Variants in SPATA6 observed in about 807,000 individuals in gnomAD.
SPATA6 encodes the protein spermatogenesis-associated protein 6.
A neutral mutation model predicts 65.3 loss-of-function variants in SPATA6; 56 were observed. The observed-to-expected ratio is 0.86, with a 90% CI of 0.69 to 1.07. The LOEUF is 1.07. Ranked by LOEUF, SPATA6 falls within the 50% of genes least tolerant of loss-of-function variation. SPATA6 has a pLI of 0.00. For synonymous variants in SPATA6, 199 were observed against 213.2 expected, an observed-to-expected ratio of 0.93 and a Z score of 0.58; for missense variants, 590 against 594.8, an observed-to-expected ratio of 0.99 and a Z score of 0.08.
chr1:48,262,687 C>A, the SPATA6 span: 2 of 151,980 alleles, frequency 1.3e-5, no homozygotes, highest in African/African-American at 2.4e-5. Flanking sequence ...TGTAAAAGAA[C>A]CCCAACTTTA....
chr1:48,355,644 T>C lies in SPATA6; in HGVS notation c.1194+26A>G, dbSNP rs1646637168. 9.6e-6 allele frequency: 15 copies of C among 1,567,642 alleles called. No individual in the cohort carries two copies. In the East Asian group the frequency reaches 3.4e-4, roughly 35 times the overall value. Reference sequence around the variant, plus strand: ...TTTTCTTGACCTATTATAAATAGTCTTCAAAAAAAAATTTTAGAAACTAAC... The same window carrying C: ...TTTTCTTGACCTATTATAAATAGTCCTCAAAAAAAAATTTTAGAAACTAAC... On this transcript the variant is annotated intron_variant, in intron 11 of 12. Coordinates refer to ENST00000371847, the MANE Select transcript of SPATA6 (RefSeq NM_019073.4).
Position 48,395,269 on chromosome 1 carries a change from T to C in SPATA6, c.866A>G (p.Asn289Ser), listed in dbSNP as rs747756738. ...AATAAAGACAACTTCTAGCTTACCA[T>C]TGTGCACCCTTGACCATCCATCTCT... ...CERDGWSRVH[N>S]DHSHLGCCRP... Residue 289 changes from asparagine (N) to serine (S), a missense_variant and splice_region_variant, in exon 8 of 13, where the codon AAT becomes AGT. Coordinates refer to ENST00000371847, the MANE Select transcript of SPATA6 (RefSeq NM_019073.4). The C allele has an allele frequency of 7.7e-6, 12 of 1,554,264 alleles. No homozygotes were observed. Among genetic ancestry groups the C allele is most frequent in the Admixed American group, 3.8e-5 (2 of 52,936 alleles).
intron 1 of SPATA6, among the ~76,000 whole-genome samples, chr1:48,471,002 T>C (rs1658195456): frequency 6.6e-6 from 1 of 152,088 alleles, no homozygotes; most frequent in Non-Finnish European, 1.5e-5. Context: ...CTTGTGGAGA[T>C]TTCCTCCAGA....
intron 11 of SPATA6, among the ~76,000 whole-genome samples, chr1:48,322,455 C>T (rs1411401193): frequency 2.0e-5 from 3 of 152,098 alleles, no homozygotes; most frequent in African/African-American, 7.2e-5. Context: ...AAACCTAAAA[C>T]CATAAAAACC....
At chr1:48,460,980 A>T (rs1242418097) in intron 1 of SPATA6, among the ~76,000 whole-genome samples, 1 of 152,182 alleles carries the variant, frequency 6.6e-6, no homozygotes, top group Non-Finnish European at 1.5e-5. Context: ...TTAAAGAATA[A>T]TAAATAAAGC....
chr1:48,362,328 T>C (rs1158522981), intron 9 of SPATA6, among the ~76,000 whole-genome samples: 5 of 152,086 alleles, frequency 3.3e-5, no homozygotes, highest in African/African-American at 1.2e-4. Context: ...CTAGAATATA[T>C]CCAAATACGA....
At chr1:48,438,271 CACAAAGGG>C (rs1423235870) in intron 3 of SPATA6, among the ~76,000 whole-genome samples, 2 of 152,148 alleles carry the variant, frequency 1.3e-5, no homozygotes, top group African/African-American at 2.4e-5. Flanking sequence ...TCTTGGCAAC[CACAAAGGG>C]ACCATCGCCA....
intron 11 of SPATA6, among the ~76,000 whole-genome samples, chr1:48,334,884 C>T (rs1646018301): frequency 6.6e-6 from 1 of 152,134 alleles, no homozygotes; most frequent in East Asian, 1.9e-4. Flanking sequence ...TTTTAAAAAC[C>T]CCATGGTCTT....
intron 9 of SPATA6, among the ~76,000 whole-genome samples, chr1:48,378,556 G>A (rs138469003): frequency 0.035 from 5,388 of 152,202 alleles, 313 homozygotes; most frequent in African/African-American, 0.12. Flanking sequence ...CATGGTGGGA[G>A]GTGAAAGGCA....
At chr1:48,293,076 C>T (rs1224535907), downstream of SPATA6, among the ~76,000 whole-genome samples, 1 of 152,218 alleles carries the variant, frequency 6.6e-6, no homozygotes, top group African/African-American at 2.4e-5. Context: ...CGCTATGAAC[C>T]ATGGTATCCC....
chr1:48,380,672 C>T (rs1307525857), intron 9 of SPATA6, among the ~76,000 whole-genome samples: 1 of 152,170 alleles, frequency 6.6e-6, no homozygotes, highest in Non-Finnish European at 1.5e-5. Context: ...ATGCTAGGTA[C>T]TACCAATTAT....
chr1:48,421,306 C>T (rs1040478481), intron 3 of SPATA6, among the ~76,000 whole-genome samples: 11 of 151,200 alleles, frequency 7.3e-5, no homozygotes, highest in African/African-American at 2.7e-4. Context: ...ATATGATGCC[C>T]TATATATATG....
the SPATA6 span, among the ~76,000 whole-genome samples, chr1:48,289,811 C>T: frequency 6.6e-6 from 1 of 151,990 alleles, no homozygotes. Flanking sequence ...AAAAAGAGTA[C>T]AAAGAAACAA....
At chr1:48,310,829 T>A (rs1248881477) in intron 11 of SPATA6, among the ~76,000 whole-genome samples, 2 of 152,162 alleles carry the variant, frequency 1.3e-5, no homozygotes, top group African/African-American at 4.8e-5. Flanking sequence ...TGTTAGGCTA[T>A]AAAACAAGTT....
intron 11 of SPATA6, among the ~76,000 whole-genome samples, chr1:48,313,635 A>G (rs1379802255): frequency 6.6e-6 from 1 of 152,242 alleles, no homozygotes; most frequent in East Asian, 1.9e-4. Flanking sequence ...AACTGCATCA[A>G]CTAATGAGCA....
At position 48,373,263 on chromosome 1, in the gene SPATA6, T is replaced by C. The variant is rs1263526136; in HGVS notation, c.909+12046A>G. ...TTAGAAGTTTATTCTGCCAGATACC[T>C]TAAATCATCTTTCTCAAGTTCAAAG... On this transcript the variant is annotated intron_variant, in intron 9 of 12. Coordinates refer to ENST00000371847, the MANE Select transcript of SPATA6 (RefSeq NM_019073.4). Among the ~76,000 whole-genome samples, 6 of 152,240 alleles carry C rather than the reference T, an allele frequency of 3.9e-5. No homozygotes were observed. In the East Asian group the frequency reaches 1.2e-3, roughly 29 times the overall value.
chr1:48,283,697 A>AAAAAAAAAAAAGAAAGAAAGAAAG, the SPATA6 span, among the ~76,000 whole-genome samples: 2 of 12,002 alleles, frequency 1.7e-4, no homozygotes, highest in Non-Finnish European at 4.7e-4. Context: ...AAAAAAAAAA[A>AAAAAAAAAAAAGAAAGAAAGAAAG]AAAGAAAGAA....
intron 9 of SPATA6, among the ~76,000 whole-genome samples, chr1:48,360,931 A>C (rs1430068962): frequency 1.3e-5 from 2 of 152,172 alleles, no homozygotes; most frequent in Non-Finnish European, 2.9e-5. Context: ...ATCAACTAGA[A>C]GGGTTGGGTT....
intron 11 of SPATA6, among the ~76,000 whole-genome samples, chr1:48,319,796 A>T (rs2148697835): frequency 6.6e-6 from 1 of 152,240 alleles, no homozygotes; most frequent in East Asian, 1.9e-4. Flanking sequence ...CCCAGGTGGA[A>T]TCCCACAGGC....
Sources: allele counts gnomAD v4.1 joint callset (sites outside exome capture counted in the v4.1 genomes callset), GRCh38; gene constraint gnomAD v4.1.1; transcripts MANE v1.5; gene names NCBI Gene and HGNC (gene_info 2026-07-23, HGNC 2026-07-21).